Variants in SPIDR observed in about 807,000 individuals in gnomAD.
The protein encoded by SPIDR is DNA repair-scaffolding protein.
In SPIDR, 93 loss-of-function variants were observed where a neutral mutation model predicts 104.6. The ratio of observed to expected loss-of-function variants is 0.89; its 90% CI spans 0.75 to 1.06. The LOEUF is 1.06. Among genes scored for constraint, SPIDR ranks in the 50% least tolerant of loss-of-function variants. The pLI is 0.00. For synonymous variants in SPIDR, 431 were observed against 416.9 expected, an observed-to-expected ratio of 1.03 and a Z score of -0.41; for missense variants, 1,154 against 1,111.2, an observed-to-expected ratio of 1.04 and a Z score of -0.55.
At chr8:47,357,207 A>G (rs559895084) in intron 5 of SPIDR, among the ~76,000 whole-genome samples, 3 of 152,322 alleles carry the variant, frequency 2.0e-5, no homozygotes, top group Non-Finnish European at 2.9e-5. Flanking sequence ...TAAGATTTCT[A>G]TGCTAGCCTG....
chr8:47,437,258 C>G (rs2068512258), intron 7 of SPIDR, among the ~76,000 whole-genome samples: 1 of 135,408 alleles, frequency 7.4e-6, no homozygotes, highest in Non-Finnish European at 1.6e-5. Flanking sequence ...CCCACCCCAC[C>G]ACAGTCCCCA....
chr8:47,624,673 C>G (rs2065744664), intron 10 of SPIDR, among the ~76,000 whole-genome samples: 1 of 152,122 alleles, frequency 6.6e-6, no homozygotes, highest in African/African-American at 2.4e-5. Context: ...TACATCCTCC[C>G]AAGACTAAAC....
chr8:47,655,210 A>C (rs1333270349), intron 10 of SPIDR, among the ~76,000 whole-genome samples: 1 of 152,204 alleles, frequency 6.6e-6, no homozygotes, highest in Non-Finnish European at 1.5e-5. Context: ...TCTTTATAGC[A>C]GCATGATTTA....
chr8:47,616,801 AAGCAGTATTGTCACAAT>A (rs1588433130), intron 10 of SPIDR, among the ~76,000 whole-genome samples: 1 of 152,218 alleles, frequency 6.6e-6, no homozygotes, highest in East Asian at 1.9e-4. Flanking sequence ...ACAATTAATT[AAGCAGTATTGTCACAAT>A]ATTATTCACT....
At chr8:47,306,657 G>A (rs954445049) in intron 5 of SPIDR, among the ~76,000 whole-genome samples, 4 of 151,954 alleles carry the variant, frequency 2.6e-5, no homozygotes, top group South Asian at 4.1e-4. Context: ...ACTTATCTTC[G>A]ATCTGGTTAT....
At chr8:47,290,572 A>G (rs2039723673) in intron 3 of SPIDR, among the ~76,000 whole-genome samples, 1 of 152,210 alleles carries the variant, frequency 6.6e-6, no homozygotes, top group African/African-American at 2.4e-5. Context: ...AATTAAATAC[A>G]AGGTTTGGTC....
intron 6 of SPIDR, among the ~76,000 whole-genome samples, chr8:47,403,067 G>A (rs1554664502): frequency 2.0e-5 from 3 of 152,096 alleles, no homozygotes; most frequent in South Asian, 4.1e-4. Flanking sequence ...ATCAGTAAAC[G>A]TAATCCATTA....
At chr8:47,516,081 T>TAGGA (rs2083093992) in intron 8 of SPIDR, among the ~76,000 whole-genome samples, 1 of 152,234 alleles carries the variant, frequency 6.6e-6, no homozygotes, top group East Asian at 1.9e-4. Flanking sequence ...AGTGCTGGGA[T>TAGGA]TACAGGCGTG....
chr8:47,526,227 G>A (rs981965802), intron 8 of SPIDR, among the ~76,000 whole-genome samples: 3 of 152,226 alleles, frequency 2.0e-5, no homozygotes, highest in African/African-American at 7.2e-5. Context: ...GGGTCAGCAA[G>A]TGGCCTTGCT....
At chr8:47,681,988 AAGG>A (rs1284830351) in intron 11 of SPIDR, among the ~76,000 whole-genome samples, 4 of 152,126 alleles carry the variant, frequency 2.6e-5, no homozygotes, top group Non-Finnish European at 4.4e-5. Flanking sequence ...GGAGGGAAAA[AAGG>A]AGGAATTTAT....
At chr8:47,389,733 C>T (rs957526394) in intron 5 of SPIDR, among the ~76,000 whole-genome samples, 4 of 148,230 alleles carry the variant, frequency 2.7e-5, no homozygotes, top group Non-Finnish European at 5.9e-5. Flanking sequence ...ACAAAAATTT[C>T]GCCCAAGTAC....
intron 11 of SPIDR, among the ~76,000 whole-genome samples, chr8:47,678,695 G>A (rs1201307861): frequency 1.3e-5 from 2 of 152,154 alleles, no homozygotes; most frequent in African/African-American, 4.8e-5. Flanking sequence ...AAGCTCCCAG[G>A]CCCACACAGC....
At chr8:47,647,688 G>C (rs2070791986) in intron 10 of SPIDR, among the ~76,000 whole-genome samples, 1 of 151,974 alleles carries the variant, frequency 6.6e-6, no homozygotes. Context: ...GAGAGAGAGA[G>C]AGAGAGAGAA....
chr8:47,372,130 A>G lies in SPIDR; in HGVS notation c.526-24246A>G, dbSNP rs149459455. On this transcript the variant is annotated intron_variant, in intron 5 of 19. Transcript: ENST00000297423. ...TCAAGTCCACCCATGTCCCTGATCT[A>G]TTACAGCACCTGTGACTCTGATGTT... Among the ~76,000 whole-genome samples the G allele has an allele frequency of 9.5e-4, 145 of 152,222 alleles. 1 individual carries two copies. Among genetic ancestry groups the G allele is most frequent in the Admixed American group, 1.6e-3 (24 of 15,298 alleles).
rs71225690 is a variant in SPIDR at position 47,496,718 on chromosome 8, CTT to C, written c.1097+56193_1097+56194del. ...GACCTCATAGAATGAATTCCCTACT[CTT>C]TTTTTTTTTTTTTTTTGAGTTTGTA... On this transcript the variant is annotated intron_variant, in intron 8 of 19. Transcript: ENST00000297423. 5.2e-4 allele frequency among the ~76,000 whole-genome samples: 58 copies of C among 110,616 alleles called. 1 individual carries two copies. Among genetic ancestry groups the C allele is most frequent in the East Asian group, 1.7e-3 (6 of 3,630 alleles). 72.6% of individuals were successfully genotyped at this position (110,616 alleles called of 152,430 possible).
intron 5 of SPIDR, among the ~76,000 whole-genome samples, chr8:47,330,220 T>G (rs963677202): frequency 1.7e-4 from 26 of 152,260 alleles, no homozygotes; most frequent in African/African-American, 6.0e-4. Flanking sequence ...TAAAGCATCT[T>G]TAGTTTTACA....
chr8:47,559,509 C>T (rs748313934), intron 8 of SPIDR, among the ~76,000 whole-genome samples: 6 of 152,238 alleles, frequency 3.9e-5, no homozygotes, highest in Non-Finnish European at 8.8e-5. Flanking sequence ...CAGGCCTTTG[C>T]TTGCCTGTCT....
intron 11 of SPIDR, among the ~76,000 whole-genome samples, chr8:47,683,059 G>A (rs2077300070): frequency 1.3e-5 from 2 of 152,190 alleles, no homozygotes; most frequent in Admixed American, 6.5e-5. Flanking sequence ...ACCACAAACC[G>A]TCTGAGAGAT....
chr8:47,486,751 C>T (rs931159200), intron 8 of SPIDR, among the ~76,000 whole-genome samples: 8 of 152,082 alleles, frequency 5.3e-5, no homozygotes, highest in Middle Eastern at 3.2e-3. Flanking sequence ...AGCCAAACTA[C>T]GCTTCATAAG....
Sources: gnomAD v4.1 joint callset for allele counts (sites outside exome capture counted in the v4.1 genomes callset) on GRCh38, gnomAD v4.1.1 for gene constraint, MANE v1.5 for transcripts, NCBI Gene and HGNC (gene_info 2026-07-23, HGNC 2026-07-21) for gene names.